JPH2: variants seen among roughly 807,000 people sequenced by gnomAD.
JPH2 encodes the protein junctophilin-2.
In JPH2, 38 loss-of-function variants were observed where a neutral mutation model predicts 55.9. The observed-to-expected ratio is 0.68, with a 90% CI of 0.52 to 0.89. JPH2 has a LOEUF of 0.89. Ranked by LOEUF, JPH2 falls within the 40% of genes least tolerant of loss-of-function variation. The pLI is 0.00. For missense variants in JPH2, 964 were observed against 1,037.6 expected (o/e 0.93, Z 0.97); for synonymous variants, 480 against 472.4 (o/e 1.02, Z -0.21).
At position 44,116,128 on chromosome 20, in the gene JPH2, G is replaced by T; in HGVS notation, c.1547C>A (p.Pro516His). 1 of 1,449,760 alleles carries T rather than the reference G, an allele frequency of 6.9e-7. No homozygotes were observed. The highest frequency in any genetic ancestry group is 9.0e-7 in the Non-Finnish European group (1 of 1,111,946). 89.8% of individuals were successfully genotyped at this position (1,449,760 alleles called of 1,614,324 possible). ...LLSPGAWNGE[P>H]SGEGSRSVTP... ...GACTGACCGGCTGCCCTCACCGCTG[G>T]GCTCGCCGTTCCAGGCGCCTGGGCT... Residue 516 changes from proline (P) to histidine (H), a missense_variant, in exon 4 of 6, where the codon CCC becomes CAC. By Grantham distance (77) the Pro-to-His change is moderately conservative (BLOSUM62 -2). Coordinates refer to ENST00000372980, the MANE Select transcript of JPH2 (RefSeq NM_020433.5).
At chr20:44,173,069 CT>C (rs1361247025) in intron 1 of JPH2, among the ~76,000 whole-genome samples, 2 of 152,222 alleles carry the variant, frequency 1.3e-5, no homozygotes, top group African/African-American at 4.8e-5. Context: ...ATAGACCAAA[CT>C]AACTATTCAA....
intron 2 of JPH2, among the ~76,000 whole-genome samples, chr20:44,148,418 T>G (rs1188303557): frequency 1.3e-5 from 2 of 152,126 alleles, no homozygotes; most frequent in African/African-American, 4.8e-5. Flanking sequence ...CCCGTTCCAG[T>G]GCTCCTTCTG....
chr20:44,141,289 G>C (rs2072454798), intron 2 of JPH2, among the ~76,000 whole-genome samples: 1 of 152,200 alleles, frequency 6.6e-6, no homozygotes, highest in Non-Finnish European at 1.5e-5. Context: ...GAGAGAAGCT[G>C]TTGCATTTGG....
rs368697672 is a variant in JPH2 at position 44,159,626 on chromosome 20, G to T, written c.1161C>A (p.Ala387=). 1.1e-5 allele frequency: 17 copies of T among 1,602,362 alleles called. No homozygotes were observed. The highest frequency in any genetic ancestry group is 1.4e-5 in the Non-Finnish European group (17 of 1,179,454). The change falls in exon 2 of 6, where the codon GCC becomes GCA. Residue 387 remains alanine, a synonymous_variant. Coordinates refer to ENST00000372980, the MANE Select transcript of JPH2 (RefSeq NM_020433.5). The surrounding 1 kb of genome is among the most constrained non-coding windows in gnomAD (Gnocchi z 5.7). Reference sequence around the variant, plus strand: ...CCCCACCGCTGTCCTACCTGGAGGCGGCAATCTCGGCCTTCTGGCGCGCGA... The same window carrying T: ...CCCCACCGCTGTCCTACCTGGAGGCTGCAATCTCGGCCTTCTGGCGCGCGA... ...AAIARQKAEI[A]ASRTSHAKAK... is the part of the protein sequence containing the mutation.
Position 44,114,795 on chromosome 20 carries a change from G to A in JPH2, c.*1C>T, listed in dbSNP as rs759227844. On this transcript the variant is annotated 3_prime_UTR_variant, in exon 5 of 6. Coordinates refer to ENST00000372980, the MANE Select transcript of JPH2 (RefSeq NM_020433.5). Reference sequence around the variant, plus strand: ...AGCTGGCTGCACCTGGTAAGCGACGGTCAGGTCAGGAGGTGAACAAAGAGG... The same window carrying A: ...AGCTGGCTGCACCTGGTAAGCGACGATCAGGTCAGGAGGTGAACAAAGAGG... 1 of 1,602,020 alleles carries A rather than the reference G, an allele frequency of 6.2e-7. No individual in the cohort carries two copies. The highest frequency in any genetic ancestry group is 8.5e-7 in the Non-Finnish European group (1 of 1,174,898).
In JPH2 at chr20:44,185,346, C is replaced by T. The variant is rs1022354200; in HGVS notation, c.379+981G>A. On this transcript the variant is annotated intron_variant, in intron 1 of 5. Coordinates refer to ENST00000372980, the MANE Select transcript of JPH2 (RefSeq NM_020433.5). ...AGGAAACACAAAAGGAATGTAGGCCCGGCACAGTGTCCCACACCTGTAATC... is the reference window on the plus strand; with the variant it reads ...AGGAAACACAAAAGGAATGTAGGCCTGGCACAGTGTCCCACACCTGTAATC... Among the ~76,000 whole-genome samples the T allele has an allele frequency of 4.6e-5, 7 of 151,726 alleles. No individual in the cohort carries two copies. The East Asian group carries it at 5.8e-4, about 13-fold the overall frequency.
At chr20:44,120,752 C>G (rs1211502034) in intron 2 of JPH2, among the ~76,000 whole-genome samples, 1 of 152,110 alleles carries the variant, frequency 6.6e-6, no homozygotes, top group Non-Finnish European at 1.5e-5. Flanking sequence ...AAAAACAAAT[C>G]ACAAAAAAAA....
intron 1 of JPH2, chr20:44,178,015 T>C (rs1212640203): frequency 2.4e-6 from 2 of 841,556 alleles, no homozygotes; most frequent in East Asian, 4.8e-5. Context: ...GGTTACATGG[T>C]GCACCCAGGT....
At position 44,159,219 on chromosome 20, in the gene JPH2, A is replaced by T. The variant is rs563343485; in HGVS notation, c.1169+399T>A. On this transcript the variant is annotated intron_variant, in intron 2 of 5. Transcript: ENST00000372980. The surrounding 1 kb of genome is among the most constrained non-coding windows in gnomAD (Gnocchi z 5.7). The stretch of plus-strand genomic sequence containing the variant: ...TCAGTGAGTGTTAGAGAAGTTAGTC[A>T]ATGAAGGAATTGGGTGGATTTGGAT... Among the ~76,000 whole-genome samples the T allele has an allele frequency of 8.3e-4, 126 of 152,020 alleles. No homozygotes were observed. The highest frequency in any genetic ancestry group is 2.7e-3 in the African/African-American group (112 of 41,482).
At chr20:44,124,666 A>G (rs1025477817) in intron 2 of JPH2, among the ~76,000 whole-genome samples, 71 of 151,470 alleles carry the variant, frequency 4.7e-4, no homozygotes, top group African/African-American at 1.7e-3. Flanking sequence ...AAAAAAAAGT[A>G]AAAAAGAAAG....
At chr20:44,149,616 T>C (rs1337419975) in intron 2 of JPH2, among the ~76,000 whole-genome samples, 1 of 152,170 alleles carries the variant, frequency 6.6e-6, no homozygotes, top group African/African-American at 2.4e-5. Context: ...CACCTCCTTC[T>C]GCCCTCTTCC....
intron 2 of JPH2, among the ~76,000 whole-genome samples, chr20:44,149,591 T>C (rs1386053305): frequency 6.6e-6 from 1 of 152,194 alleles, no homozygotes; most frequent in East Asian, 1.9e-4. Flanking sequence ...CCTGTGACCC[T>C]GCCCTCTTCT....
chr20:44,124,373 C>T (rs1169052532), intron 2 of JPH2, among the ~76,000 whole-genome samples: 5 of 152,168 alleles, frequency 3.3e-5, no homozygotes, highest in Non-Finnish European at 7.3e-5. Context: ...TCTCTCCCCT[C>T]CTGCCGCGAT....
Position 44,155,335 on chromosome 20 carries a change from A to C in JPH2, c.1169+4283T>G, listed in dbSNP as rs570658388. On this transcript the variant is annotated intron_variant, in intron 2 of 5. Transcript: ENST00000372980. ...TCATGGTCTTCTGAATCAAGAACCT[A>C]AGCTCCTTCCTGCTGTGCTCTGCCT... Among the ~76,000 whole-genome samples, 26 of 152,284 alleles carry C rather than the reference A, an allele frequency of 1.7e-4. 1 individual carries two copies. The South Asian group carries it at 5.4e-3, about 32-fold the overall frequency.
At chr20:44,144,629 G>C (rs1266904018) in intron 2 of JPH2, among the ~76,000 whole-genome samples, 1 of 152,178 alleles carries the variant, frequency 6.6e-6, no homozygotes, top group Non-Finnish European at 1.5e-5. Context: ...GTCAGCCTGG[G>C]AGCAGCTGAG....
At chr20:44,163,321 T>C (rs935165296) in intron 1 of JPH2, among the ~76,000 whole-genome samples, 1 of 152,178 alleles carries the variant, frequency 6.6e-6, no homozygotes, top group South Asian at 2.1e-4. Context: ...CTGTCAATGA[T>C]GTGTTGGGTG....
chr20:44,127,352 C>T (rs186856815), intron 2 of JPH2, among the ~76,000 whole-genome samples: 1 of 152,074 alleles, frequency 6.6e-6, no homozygotes, highest in East Asian at 1.9e-4. Flanking sequence ...CCTGTGGTAA[C>T]TCTATGTTTA....
chr20:44,164,914 T>C (rs906341483), intron 1 of JPH2, among the ~76,000 whole-genome samples: 18 of 151,684 alleles, frequency 1.2e-4, no homozygotes, highest in Non-Finnish European at 1.5e-4. Flanking sequence ...CTTGGCTCGC[T>C]GCAACCTCCG....
chr20:44,182,461 T>C (rs2072792830), intron 1 of JPH2, among the ~76,000 whole-genome samples: 1 of 152,152 alleles, frequency 6.6e-6, no homozygotes, highest in Non-Finnish European at 1.5e-5. Context: ...TCACCTGGCC[T>C]GAAGAGCTCC....
Sources: allele counts gnomAD v4.1 joint callset (sites outside exome capture counted in the v4.1 genomes callset), GRCh38; gene constraint gnomAD v4.1.1; non-coding constraint Gnocchi (gnomAD v3.1); transcripts MANE v1.5; gene names NCBI Gene and HGNC (gene_info 2026-07-23, HGNC 2026-07-21).